KCTD16: variants seen among roughly 807,000 people sequenced by gnomAD.
KCTD16 encodes the protein potassium channel tetramerization domain containing 16.
Under a neutral mutation model 33.2 loss-of-function variants are expected in KCTD16, and 13 were observed. The observed-to-expected ratio is 0.39, with a 90% confidence interval of 0.25 to 0.62. The LOEUF is 0.62. Ranked by LOEUF, KCTD16 falls within the 20% of genes least tolerant of loss-of-function variation. The pLI, the probability that KCTD16 is intolerant of heterozygous loss-of-function variation, is 0.50. For missense variants in KCTD16, 441 were observed against 525.1 expected (o/e 0.84, Z 1.57); for synonymous variants, 197 against 195.3 (o/e 1.01, Z -0.07).
chr5:144,473,408 C>A (rs139021428), intron 3 of KCTD16, among the ~76,000 whole-genome samples: 2 of 152,204 alleles, frequency 1.3e-5, no homozygotes, highest in African/African-American at 2.4e-5. Flanking sequence ...TTTCTGACTC[C>A]CGTGCTCATG....
At chr5:144,367,621 C>T (rs1208549858) in intron 3 of KCTD16, among the ~76,000 whole-genome samples, 2 of 152,076 alleles carry the variant, frequency 1.3e-5, no homozygotes, top group African/African-American at 4.8e-5. Flanking sequence ...CCAAATATCC[C>T]ACTCAGGAGA....
chr5:144,376,791 A>T (rs1293306166), intron 3 of KCTD16, among the ~76,000 whole-genome samples: 1 of 152,192 alleles, frequency 6.6e-6, no homozygotes, highest in Non-Finnish European at 1.5e-5. Flanking sequence ...TCATGTTTTA[A>T]GGATGGTAGG....
chr5:144,196,528 G>C (rs1049606098), intron 2 of KCTD16, among the ~76,000 whole-genome samples: 18 of 151,974 alleles, frequency 1.2e-4, no homozygotes, highest in African/African-American at 4.1e-4. Context: ...TCCTATCCAG[G>C]AGTAATTGCA....
chr5:144,351,395 A>G (rs2126908037), intron 3 of KCTD16, among the ~76,000 whole-genome samples: 1 of 152,322 alleles, frequency 6.6e-6, no homozygotes, highest in African/African-American at 2.4e-5. Context: ...TATCAAAAAG[A>G]CAAGATAAGT....
intron 3 of KCTD16, among the ~76,000 whole-genome samples, chr5:144,423,411 G>C (rs539555684): frequency 6.6e-6 from 1 of 152,252 alleles, no homozygotes; most frequent in East Asian, 1.9e-4. Flanking sequence ...CAGGCACAGA[G>C]GAGAGAGATA....
At chr5:144,456,229 G>T (rs1754059119) in intron 3 of KCTD16, among the ~76,000 whole-genome samples, 1 of 151,390 alleles carries the variant, frequency 6.6e-6, no homozygotes, top group South Asian at 2.1e-4. Context: ...ATATAATTTT[G>T]CTGGAATTTT....
intron 3 of KCTD16, among the ~76,000 whole-genome samples, chr5:144,338,169 G>A (rs1479907647): frequency 6.6e-6 from 1 of 152,070 alleles, no homozygotes; most frequent in Non-Finnish European, 1.5e-5. Flanking sequence ...AATAAACATT[G>A]ATCAAGATCT....
intron 3 of KCTD16, among the ~76,000 whole-genome samples, chr5:144,307,290 A>G (rs1342772335): frequency 1.3e-5 from 2 of 152,158 alleles, no homozygotes; most frequent in African/African-American, 2.4e-5. Context: ...TTATCATCGT[A>G]TAGTCTTTGT....
Position 144,288,672 on chromosome 5 carries a change from A to G in KCTD16, c.832+81126A>G, listed in dbSNP as rs78021763. On this transcript the variant is annotated intron_variant, in intron 3 of 3. Coordinates refer to ENST00000512467, the MANE Select transcript of KCTD16 (RefSeq NM_020768.4). ...CTGCAGTAAGTTACATTAGGTCTCT[A>G]GAAAGCATCCTGGTTGGCTGGGCAT... 1.9e-3 allele frequency among the ~76,000 whole-genome samples: 291 copies of G among 152,274 alleles called. 2 individuals carry two copies. The highest frequency in any genetic ancestry group is 6.5e-3 in the African/African-American group (271 of 41,554).
At chr5:144,457,947 T>C (rs1421131144) in intron 3 of KCTD16, among the ~76,000 whole-genome samples, 1 of 152,210 alleles carries the variant, frequency 6.6e-6, no homozygotes, top group East Asian at 1.9e-4. Context: ...GCTCAAGGCC[T>C]TGCCTGTTTC....
intron 3 of KCTD16, among the ~76,000 whole-genome samples, chr5:144,331,039 A>T (rs945665211): frequency 1.3e-5 from 2 of 152,242 alleles, no homozygotes; most frequent in Admixed American, 1.3e-4. Flanking sequence ...TAAAATAGCC[A>T]TAAACTTTTT....
chr5:144,314,941 G>C (rs765049003), intron 3 of KCTD16, among the ~76,000 whole-genome samples: 3 of 152,162 alleles, frequency 2.0e-5, no homozygotes, highest in African/African-American at 4.8e-5. Flanking sequence ...TGAAGCTTCA[G>C]TAGAGACCTG....
chr5:144,306,644 G>A (rs1295522026), intron 3 of KCTD16, among the ~76,000 whole-genome samples: 4 of 152,186 alleles, frequency 2.6e-5, no homozygotes, highest in African/African-American at 9.7e-5. Flanking sequence ...TACCTCTTCA[G>A]TGCTCTGTTT....
chr5:144,284,188 T>C (rs1224009928), intron 3 of KCTD16, among the ~76,000 whole-genome samples: 1 of 152,192 alleles, frequency 6.6e-6, no homozygotes, highest in African/African-American at 2.4e-5. Context: ...TGGATTGGGC[T>C]ATTTTCCCAC....
intron 3 of KCTD16, among the ~76,000 whole-genome samples, chr5:144,358,090 ATTTTT>A (rs539287370): frequency 1.7e-5 from 2 of 114,438 alleles, no homozygotes. Context: ...CACCCGGCTA[ATTTTT>A]TTTTTTTTTT....
chr5:144,369,753 C>A (rs144340293), intron 3 of KCTD16, among the ~76,000 whole-genome samples: 56 of 152,150 alleles, frequency 3.7e-4, no homozygotes, highest in Non-Finnish European at 6.3e-4. Flanking sequence ...GTGATTCATG[C>A]TTTAATACAG....
At chr5:144,351,359 C>G (rs1162705914) in intron 3 of KCTD16, among the ~76,000 whole-genome samples, 12 of 152,162 alleles carry the variant, frequency 7.9e-5, no homozygotes, top group Admixed American at 7.9e-4. Context: ...AATGCAATAT[C>G]ACATCGTATC....
chr5:144,385,028 A>G (rs2126934051), intron 3 of KCTD16, among the ~76,000 whole-genome samples: 1 of 152,318 alleles, frequency 6.6e-6, no homozygotes, highest in Non-Finnish European at 1.5e-5. Context: ...GTGGGACATT[A>G]TGGCCTGTAT....
At chr5:144,412,215 G>A (rs867848357) in intron 3 of KCTD16, among the ~76,000 whole-genome samples, 1 of 152,078 alleles carries the variant, frequency 6.6e-6, no homozygotes, top group South Asian at 2.1e-4. Flanking sequence ...AAAGGATATC[G>A]GCACTCCCAT....
Sources: gnomAD v4.1 joint callset for allele counts (sites outside exome capture counted in the v4.1 genomes callset) on GRCh38, gnomAD v4.1.1 for gene constraint, MANE v1.5 for transcripts, NCBI Gene and HGNC (gene_info 2026-07-23, HGNC 2026-07-21) for gene names.